Variants in SLC4A4 observed in about 807,000 individuals in gnomAD.
SLC4A4 encodes solute carrier family 4 member 4, also known as electrogenic sodium bicarbonate cotransporter 1.
A neutral mutation model predicts 111.5 loss-of-function variants in SLC4A4; 27 were observed. The observed-to-expected ratio is 0.24, with a 90% CI of 0.18 to 0.33. The LOEUF (loss-of-function observed/expected upper bound fraction) is 0.33. Ranked by LOEUF, SLC4A4 falls within the 10% of genes least tolerant of loss-of-function variation. The pLI, the probability that SLC4A4 is intolerant of heterozygous loss-of-function variation, is 1.00. For synonymous variants in SLC4A4, 443 were observed against 463.4 expected (o/e 0.96, Z 0.57); for missense variants, 909 against 1,315.5 (o/e 0.69, Z 4.78).
intron 1 of SLC4A4, among the ~76,000 whole-genome samples, chr4:71,077,697 A>T (rs2148933049): frequency 6.6e-6 from 1 of 152,320 alleles, no homozygotes; most frequent in South Asian, 2.1e-4. Flanking sequence ...TATGATGAAA[A>T]AAGTAAATAA....
chr4:71,409,302 G>A (rs992394201), intron 7 of SLC4A4, among the ~76,000 whole-genome samples: 1 of 152,210 alleles, frequency 6.6e-6, no homozygotes, highest in Admixed American at 6.5e-5. Context: ...GTGGGAAAGT[G>A]TGGAACCTCT....
At chr4:71,557,028 C>G (rs1164972425) in intron 21 of SLC4A4, among the ~76,000 whole-genome samples, 4 of 151,896 alleles carry the variant, frequency 2.6e-5, no homozygotes, top group Admixed American at 2.6e-4. Flanking sequence ...CACAGATGCT[C>G]AGTAGTTATT....
In SLC4A4 at chr4:71,327,457, T is replaced by C. The variant is rs934498430; in HGVS notation, c.254-11913T>C. ...ATATCACTTAGTAGTTGTGTTATCT[T>C]GAGGAAGTCCCTTACCTTCTTAGGA... is the stretch of plus-strand genomic sequence containing the variant. On this transcript the variant is annotated intron_variant, in intron 3 of 25. Transcript: ENST00000264485. Among the ~76,000 whole-genome samples, 4 of 152,006 alleles carry C rather than the reference T, an allele frequency of 2.6e-5. No individual in the cohort carries two copies. In the South Asian group the frequency reaches 8.3e-4, roughly 31 times the overall value.
chr4:71,270,974 C>T (rs1035542003), intron 3 of SLC4A4, among the ~76,000 whole-genome samples: 2 of 152,162 alleles, frequency 1.3e-5, no homozygotes, highest in Non-Finnish European at 2.9e-5. Context: ...TCCATCCTGC[C>T]TCTTCTCTTC....
intron 1 of SLC4A4, among the ~76,000 whole-genome samples, chr4:71,084,187 T>C (rs1365570919): frequency 6.6e-6 from 1 of 152,090 alleles, no homozygotes; most frequent in African/African-American, 2.4e-5. Flanking sequence ...AAGGGAATTG[T>C]TCAATATCTT....
chr4:71,095,326 A>G (rs1385480470), intron 2 of SLC4A4, among the ~76,000 whole-genome samples: 1 of 152,244 alleles, frequency 6.6e-6, no homozygotes, highest in African/African-American at 2.4e-5. Flanking sequence ...ATGGCCCTGC[A>G]GGGTCTGCCA....
intron 20 of SLC4A4, among the ~76,000 whole-genome samples, chr4:71,548,562 T>C (rs1326025415): frequency 6.6e-6 from 1 of 151,930 alleles, no homozygotes; most frequent in Non-Finnish European, 1.5e-5. Context: ...TTGTATCTTA[T>C]GCTTTATACT....
chr4:71,236,369 G>C, intron 1 of SLC4A4: 1 of 830,524 alleles, frequency 1.2e-6, no homozygotes, highest in Non-Finnish European at 1.7e-6. Flanking sequence ...CTCAAGGTTA[G>C]AACTGAAGCT....
chr4:71,462,795 C>G (rs115869958), intron 12 of SLC4A4, among the ~76,000 whole-genome samples: 1 of 152,062 alleles, frequency 6.6e-6, no homozygotes, highest in African/African-American at 2.4e-5. Flanking sequence ...TGCTAAGCAC[C>G]TTACATACAT....
intron 3 of SLC4A4, among the ~76,000 whole-genome samples, chr4:71,285,073 C>T (rs1723804235): frequency 6.6e-6 from 1 of 152,122 alleles, no homozygotes; most frequent in Admixed American, 6.5e-5. Context: ...GGCAGAGTCT[C>T]AGTAGTCTCA....
chr4:71,494,748 T>G (rs1730247135), intron 15 of SLC4A4, among the ~76,000 whole-genome samples: 2 of 151,976 alleles, frequency 1.3e-5, no homozygotes, highest in Non-Finnish European at 2.9e-5. Flanking sequence ...TGAGATGAGT[T>G]AAGGGTCTCC....
At chr4:71,484,603 A>T (rs776727363) in intron 14 of SLC4A4, among the ~76,000 whole-genome samples, 4 of 151,700 alleles carry the variant, frequency 2.6e-5, no homozygotes, top group Non-Finnish European at 4.4e-5. Flanking sequence ...GGGTAACATG[A>T]TGCCTTCAGC....
intron 6 of SLC4A4, among the ~76,000 whole-genome samples, chr4:71,374,974 T>C (rs569067642): frequency 6.6e-6 from 1 of 152,300 alleles, no homozygotes; most frequent in South Asian, 2.1e-4. Context: ...TAGCGTCAAC[T>C]TTGATTAATG....
At chr4:71,485,091 T>A (rs1184073848) in intron 14 of SLC4A4, among the ~76,000 whole-genome samples, 3 of 151,744 alleles carry the variant, frequency 2.0e-5, no homozygotes, top group Non-Finnish European at 2.9e-5. Context: ...CAAACAGGGA[T>A]AGTTTGACTT....
chr4:71,438,229 C>T (rs886661640), intron 7 of SLC4A4, among the ~76,000 whole-genome samples: 1 of 152,162 alleles, frequency 6.6e-6, no homozygotes, highest in Non-Finnish European at 1.5e-5. Flanking sequence ...CTTAGAGAAG[C>T]GCTGCACCTT....
chr4:71,255,502 T>TA lies in SLC4A4; in HGVS notation c.253+104dup, dbSNP rs1721382420. 1.1e-4 allele frequency: 129 copies of TA among 1,134,308 alleles called. 8 individuals are homozygous for TA. In the South Asian group the frequency reaches 1.5e-3, roughly 14 times the overall value. 70.3% of individuals were successfully genotyped at this position (1,134,308 alleles called of 1,614,324 possible). On this transcript the variant is annotated intron_variant, in intron 3 of 25. Coordinates refer to ENST00000264485, the MANE Select transcript of SLC4A4 (RefSeq NM_001098484.3). ...TGGCTAAAGGGGAGGGACACTGTAATACTGAGATGTTTAGAATCTGTTCTA... is the reference window on the plus strand; with the variant it reads ...TGGCTAAAGGGGAGGGACACTGTAATAACTGAGATGTTTAGAATCTGTTCTA...
chr4:71,504,098 T>C (rs1731175578), intron 16 of SLC4A4, among the ~76,000 whole-genome samples: 2 of 152,198 alleles, frequency 1.3e-5, no homozygotes, highest in African/African-American at 4.8e-5. Flanking sequence ...TCTTTGTCTT[T>C]AGCTTTTGAC....
At chr4:71,213,917 A>G (rs953568137) in intron 1 of SLC4A4, among the ~76,000 whole-genome samples, 1 of 152,194 alleles carries the variant, frequency 6.6e-6, no homozygotes, top group Non-Finnish European at 1.5e-5. Context: ...ATTGTGAGAA[A>G]TAAATGTCTG....
chr4:71,285,413 C>G (rs1723837595), intron 3 of SLC4A4, among the ~76,000 whole-genome samples: 1 of 152,072 alleles, frequency 6.6e-6, no homozygotes, highest in South Asian at 2.1e-4. Context: ...AGACTGAGGG[C>G]AAATTGCCTG....
Sources: allele counts gnomAD v4.1 joint callset (sites outside exome capture counted in the v4.1 genomes callset), GRCh38; gene constraint gnomAD v4.1.1; transcripts MANE v1.5; gene names NCBI Gene and HGNC (gene_info 2026-07-23, HGNC 2026-07-21).